OSBPL3: variants seen among roughly 807,000 people sequenced by gnomAD.
OSBPL3 encodes oxysterol binding protein like 3.
OSBPL3 carries 65 observed loss-of-function variants against 120.1 expected under a neutral mutation model. The ratio of observed to expected loss-of-function variants is 0.54; its 90% CI spans 0.44 to 0.67. The LOEUF (loss-of-function observed/expected upper bound fraction) is 0.67. OSBPL3 is among the 30% of genes least tolerant of loss of function. The pLI is 0.00. For missense variants in OSBPL3, 1,004 were observed against 1,082.1 expected (o/e 0.93, Z 1.01); for synonymous variants, 416 against 402.6 (o/e 1.03, Z -0.40).
intron 1 of OSBPL3, among the ~76,000 whole-genome samples, chr7:24,931,521 C>T (rs1014300785): frequency 6.6e-6 from 1 of 152,110 alleles, no homozygotes; most frequent in Non-Finnish European, 1.5e-5. Context: ...GATGTGAAGC[C>T]ATGAGCCAAG....
rs1282113789 is a variant in OSBPL3 at position 24,866,031 on chromosome 7, C to A, written c.549+39G>T. The A allele has an allele frequency of 3.2e-6, 5 of 1,562,946 alleles. No homozygotes were observed. In the African/African-American group the frequency reaches 4.1e-5, roughly 13 times the overall value. On this transcript the variant is annotated intron_variant, in intron 6 of 22. Coordinates refer to ENST00000313367, the MANE Select transcript of OSBPL3 (RefSeq NM_015550.4). ...GACAGGACTCCATGAAACAAAGCCACCCCGTTCTCAGATTCATTATTGGCA... is the reference window on the plus strand; with the variant it reads ...GACAGGACTCCATGAAACAAAGCCAACCCGTTCTCAGATTCATTATTGGCA...
chr7:24,947,018 G>A lies in OSBPL3; in HGVS notation c.-150+32868C>T, dbSNP rs1345380411. Among the ~76,000 whole-genome samples the A allele has an allele frequency of 6.6e-6, 1 of 152,128 alleles. No homozygotes were observed. Among genetic ancestry groups the A allele is most frequent in the African/African-American group, 2.4e-5 (1 of 41,424 alleles). On this transcript the variant is annotated intron_variant, in intron 1 of 22. Coordinates refer to ENST00000313367, the MANE Select transcript of OSBPL3 (RefSeq NM_015550.4). The surrounding 1 kb of genome is among the most constrained non-coding windows in gnomAD (Gnocchi z 4.4). ...CTTGCCGCTTTCATGTCTTTAAATT[G>A]TACAACAAAGAAAACAATCTGTACC...
At chr7:24,943,236 C>T (rs1260295281) in intron 1 of OSBPL3, among the ~76,000 whole-genome samples, 1 of 152,208 alleles carries the variant, frequency 6.6e-6, no homozygotes, top group Non-Finnish European at 1.5e-5. Context: ...ATGCCCAGTA[C>T]ACTGGCTGGA....
At chr7:24,929,757 A>C (rs940403264) in intron 1 of OSBPL3, among the ~76,000 whole-genome samples, 3 of 152,086 alleles carry the variant, frequency 2.0e-5, no homozygotes, top group Non-Finnish European at 4.4e-5. Flanking sequence ...TTTAATTCCA[A>C]ATTGTACCTG....
At chr7:24,920,784 T>C (rs1171373549) in intron 1 of OSBPL3, among the ~76,000 whole-genome samples, 2 of 152,152 alleles carry the variant, frequency 1.3e-5, no homozygotes, top group Non-Finnish European at 2.9e-5. Flanking sequence ...ATATAAAGCC[T>C]ATTGAATCTA....
At position 24,952,586 on chromosome 7, in the gene OSBPL3, G is replaced by A. The variant is rs1814569749; in HGVS notation, c.-150+27300C>T. Reference sequence around the variant, plus strand: ...CATATGAGCCACCTTTGGAGACTAGGTACTCAAATTTATCATGTATCTCAA... The same window carrying A: ...CATATGAGCCACCTTTGGAGACTAGATACTCAAATTTATCATGTATCTCAA... On this transcript the variant is annotated intron_variant, in intron 1 of 22. Transcript: ENST00000313367. The surrounding 1 kb of genome is among the most constrained non-coding windows in gnomAD (Gnocchi z 4.4). Among the ~76,000 whole-genome samples the A allele has an allele frequency of 6.6e-6, 1 of 152,124 alleles. No homozygotes were observed. Among genetic ancestry groups the A allele is most frequent in the Non-Finnish European group, 1.5e-5 (1 of 68,024 alleles).
rs929324881 is a variant in OSBPL3 at position 24,849,277 on chromosome 7, C to T, written c.1159-101G>A. Reference sequence around the variant, plus strand: ...AGCGATCTCTAAGAGCTTGATGAAACTCTTAGTGACGTGGTCTGACAGCGC... The same window carrying T: ...AGCGATCTCTAAGAGCTTGATGAAATTCTTAGTGACGTGGTCTGACAGCGC... On this transcript the variant is annotated intron_variant, in intron 11 of 22. Transcript: ENST00000313367. The surrounding 1 kb of genome is among the most constrained non-coding windows in gnomAD (Gnocchi z 5.4). 38 of 822,674 alleles carry T rather than the reference C, an allele frequency of 4.6e-5. No homozygotes were observed. Among genetic ancestry groups the T allele is most frequent in the African/African-American group, 2.1e-4 (12 of 58,168 alleles). The allele number at this position is 822,674 out of a possible 1,614,324, so 51.0% of individuals were successfully genotyped here.
intron 5 of OSBPL3, 37 bp from the exon 6 acceptor site, chr7:24,866,274 A>C (rs1406579809): frequency 3.5e-6 from 5 of 1,431,902 alleles, no homozygotes; most frequent in Non-Finnish European, 4.9e-6. Flanking sequence ...AAACAAGAGA[A>C]TCATTCACTG....
intron 1 of OSBPL3, among the ~76,000 whole-genome samples, chr7:24,905,247 C>T (rs533670624): frequency 7.9e-5 from 12 of 151,776 alleles, no homozygotes; most frequent in South Asian, 2.1e-4. Flanking sequence ...GACGTACTAA[C>T]GGGAAAGAAT....
intron 1 of OSBPL3, among the ~76,000 whole-genome samples, chr7:24,963,793 T>C (rs1477019568): frequency 1.3e-5 from 2 of 152,358 alleles, no homozygotes; most frequent in Admixed American, 1.3e-4. Flanking sequence ...ATTAGTGTTT[T>C]TCACCGTGGG....
Position 24,872,129 on chromosome 7 carries a change from A to G in OSBPL3, c.97-60T>C. 8.8e-7 allele frequency: 1 copy of G among 1,138,248 alleles called. No individual in the cohort carries two copies. Among genetic ancestry groups the G allele is most frequent in the Non-Finnish European group, 1.3e-6 (1 of 747,952 alleles). 70.5% of individuals were successfully genotyped at this position (1,138,248 alleles called of 1,614,324 possible). On this transcript the variant is annotated intron_variant, in intron 2 of 22. Coordinates refer to ENST00000313367, the MANE Select transcript of OSBPL3 (RefSeq NM_015550.4). This position sits in a 1 kb window ranked among gnomAD's most constrained non-coding sequence, Gnocchi z 4.1. ...TCTTTTTGAAAAATAATAATGGTAA[A>G]AAGCACTGCATCCTGTCAGTAAATT...
At chr7:24,884,386 A>G (rs1287936538) in intron 2 of OSBPL3, among the ~76,000 whole-genome samples, 1 of 152,190 alleles carries the variant, frequency 6.6e-6, no homozygotes, top group Admixed American at 6.5e-5. Context: ...TGGGGGAAAC[A>G]TTACAGACCC....
At position 24,804,563 on chromosome 7, in the gene OSBPL3, CCCAA is replaced by C; in HGVS notation, c.2445-130_2445-127del. ...TCCTCTCCTATACGTAAGACCCCGC[CCCAA>C]CCGTTTAATCCGTATCTTGAAGTAG... On this transcript the variant is annotated intron_variant, in intron 21 of 22. Coordinates refer to ENST00000313367, the MANE Select transcript of OSBPL3 (RefSeq NM_015550.4). This position sits in a 1 kb window ranked among gnomAD's most constrained non-coding sequence, Gnocchi z 5.4. 1 of 788,920 alleles carries C rather than the reference CCCAA, an allele frequency of 1.3e-6. No individual in the cohort carries two copies. Among genetic ancestry groups the C allele is most frequent in the Non-Finnish European group, 2.0e-6 (1 of 500,234 alleles). 48.9% of individuals were successfully genotyped at this position (788,920 alleles called of 1,614,324 possible).
At chr7:24,892,788 G>A (rs1248017215) in intron 1 of OSBPL3, among the ~76,000 whole-genome samples, 167 bp from the exon 2 acceptor site, 1 of 152,092 alleles carries the variant, frequency 6.6e-6, no homozygotes, top group Non-Finnish European at 1.5e-5. Context: ...CTCTTACAGG[G>A]AATTTTGTAT....
intron 1 of OSBPL3, among the ~76,000 whole-genome samples, chr7:24,910,808 G>A (rs1808712170): frequency 6.6e-6 from 1 of 152,226 alleles, no homozygotes. Flanking sequence ...GATAGGGCTT[G>A]ACTAGGTAGA....
At chr7:24,978,569 C>G (rs1291657740) in intron 1 of OSBPL3, among the ~76,000 whole-genome samples, 8 of 152,178 alleles carry the variant, frequency 5.3e-5, no homozygotes, top group Non-Finnish European at 1.0e-4. Context: ...GAACCTAGGC[C>G]TGCTTGACTG....
chr7:24,956,147 G>A (rs1815019761), intron 1 of OSBPL3, among the ~76,000 whole-genome samples: 1 of 152,250 alleles, frequency 6.6e-6, no homozygotes, highest in Admixed American at 6.5e-5. Flanking sequence ...TGAACGCAGT[G>A]CTGATTCCCA....
At chr7:24,848,731 T>G (rs1798739924) in intron 12 of OSBPL3, among the ~76,000 whole-genome samples, 2 of 152,032 alleles carry the variant, frequency 1.3e-5, no homozygotes, top group African/African-American at 4.8e-5. Context: ...GTAGGTTTCT[T>G]CAGTAGTAAC....
rs1348426934 is a variant in OSBPL3, at chr7:24,851,337, T to C, written c.1158+1167A>G. ...TCTTTATATATGGAGCAAGCCAATGTTATTTTTAATTTCTTTTGAAGATAG... is the reference window on the plus strand; with the variant it reads ...TCTTTATATATGGAGCAAGCCAATGCTATTTTTAATTTCTTTTGAAGATAG... On this transcript the variant is annotated intron_variant, in intron 11 of 22. Transcript: ENST00000313367. The surrounding 1 kb of genome is among the most constrained non-coding windows in gnomAD (Gnocchi z 4.1). Among the ~76,000 whole-genome samples the C allele has an allele frequency of 1.3e-5, 2 of 152,232 alleles. No individual in the cohort carries two copies. Among genetic ancestry groups the C allele is most frequent in the East Asian group, 3.8e-4 (2 of 5,204 alleles).
Sources: gnomAD v4.1 joint callset for allele counts (sites outside exome capture counted in the v4.1 genomes callset) on GRCh38, gnomAD v4.1.1 for gene constraint, Gnocchi (gnomAD v3.1) non-coding constraint, MANE v1.5 for transcripts, NCBI Gene and HGNC (gene_info 2026-07-23, HGNC 2026-07-21) for gene names.